LARGE1: variants seen among roughly 807,000 people sequenced by gnomAD.
LARGE1 encodes LARGE xylosyl- and glucuronyltransferase 1.
In LARGE1, 43 loss-of-function variants were observed where a neutral mutation model predicts 87.6. The observed-to-expected ratio is 0.49, with a 90% CI of 0.38 to 0.63. The LOEUF is 0.63. Ranked by LOEUF, LARGE1 falls within the 30% of genes least tolerant of loss-of-function variation. The pLI, the probability that LARGE1 is intolerant of heterozygous loss-of-function variation, is 0.00. For missense variants in LARGE1, 802 were observed against 1,000.2 expected, an observed-to-expected ratio of 0.80 and a Z score of 2.67; for synonymous variants, 434 against 394.6, an observed-to-expected ratio of 1.10 and a Z score of -1.18.
rs568597552 is a variant in LARGE1, at chr22:33,242,585, A to G, written c.1730+61644T>C. On this transcript the variant is annotated intron_variant, in intron 11 of 11. Transcript: ENST00000608642. The stretch of plus-strand genomic sequence containing the variant: ...GCTTTTCTTTCCGTTTTTTTCATAT[A>G]TATGTTATCCAAGGAGGACAATTTT... 3.9e-5 allele frequency among the ~76,000 whole-genome samples: 6 copies of G among 152,230 alleles called. No homozygotes were observed. In the South Asian group the frequency reaches 1.0e-3, roughly 26 times the overall value.
chr22:33,871,841 T>C (rs1410480757), intron 1 of LARGE1, among the ~76,000 whole-genome samples: 1 of 151,896 alleles, frequency 6.6e-6, no homozygotes, highest in African/African-American at 2.4e-5. Context: ...AAGTAAATAG[T>C]TAATTGATGA....
intron 1 of LARGE1, among the ~76,000 whole-genome samples, chr22:33,848,770 G>A (rs1432456096): frequency 6.6e-6 from 1 of 152,240 alleles, no homozygotes; most frequent in African/African-American, 2.4e-5. Flanking sequence ...GGGCCTCTGA[G>A]GCAGAGAGAG....
At chr22:33,881,946 A>G (rs2064696637) in intron 1 of LARGE1, among the ~76,000 whole-genome samples, 3 of 152,236 alleles carry the variant, frequency 2.0e-5, no homozygotes, top group South Asian at 2.1e-4. Flanking sequence ...AAAGTCTCCA[A>G]TAGCACTTTA....
chr22:33,848,622 C>T (rs1223898055), intron 1 of LARGE1, among the ~76,000 whole-genome samples: 2 of 152,194 alleles, frequency 1.3e-5, no homozygotes, highest in African/African-American at 4.8e-5. Flanking sequence ...ACGCTCCTTG[C>T]ACACTGCCAG....
intron 1 of LARGE1, among the ~76,000 whole-genome samples, chr22:33,909,801 G>A (rs1448012486): frequency 6.6e-6 from 1 of 152,048 alleles, no homozygotes; most frequent in Non-Finnish European, 1.5e-5. Context: ...GCCTCCCAGA[G>A]TGCTGGGATT....
intron 1 of LARGE1, among the ~76,000 whole-genome samples, chr22:33,849,592 C>CTTTTTTTTTTTTTTTTTTTTTTTTTTT (rs71187287): frequency 4.5e-5 from 4 of 88,590 alleles, no homozygotes; most frequent in African/African-American, 9.5e-5. Context: ...CTTTTCTTCT[C>CTTTTTTTTTTTTTTTTTTTTTTTTTTT]TTTTTTTTTT....
At chr22:33,525,787 C>T (rs1352205259) in intron 6 of LARGE1, among the ~76,000 whole-genome samples, 1 of 152,200 alleles carries the variant, frequency 6.6e-6, no homozygotes, top group Non-Finnish European at 1.5e-5. Context: ...TCAGTGAAGA[C>T]ACAGCGGATT....
At chr22:33,337,624 C>A (rs1433392445) in intron 10 of LARGE1, 22 bp downstream of exon 10, 2 of 1,613,786 alleles carry the variant, frequency 1.2e-6, no homozygotes, top group African/African-American at 2.7e-5. Context: ...CCCTTCCCTG[C>A]CCAGCCTTGC....
At chr22:33,199,630 T>C (rs1924268925) in intron 11 of LARGE1, among the ~76,000 whole-genome samples, 1 of 152,200 alleles carries the variant, frequency 6.6e-6, no homozygotes, top group Admixed American at 6.5e-5. Flanking sequence ...TTCCTTAGCA[T>C]ATATATTTTT....
chr22:33,894,581 A>C (rs1308083582), intron 1 of LARGE1, among the ~76,000 whole-genome samples: 1 of 152,144 alleles, frequency 6.6e-6, no homozygotes, highest in Non-Finnish European at 1.5e-5. Context: ...CTTATTTTTC[A>C]AACAAAACTG....
At chr22:33,104,971 T>TTCTTTCTTTCTTTCTCTTTCTC in the LARGE1 span, among the ~76,000 whole-genome samples, 1 of 145,418 alleles carries the variant, frequency 6.9e-6, no homozygotes. Context: ...CTCTCTTTCT[T>TTCTTTCTTTCTTTCTCTTTCTC]TCTTTCTTTT....
In LARGE1 at chr22:33,683,111, C is replaced by T. The variant is rs903743276; in HGVS notation, c.107-32443G>A. Among the ~76,000 whole-genome samples the T allele has an allele frequency of 5.3e-5, 8 of 152,304 alleles. No individual in the cohort carries two copies. The South Asian group carries it at 1.7e-3, about 32-fold the overall frequency. On this transcript the variant is annotated intron_variant, in intron 2 of 14. Coordinates refer to ENST00000397394, the MANE Select transcript of LARGE1 (RefSeq NM_133642.5). ...GCAATCTGTCATGGTAATAAATTGACTTGACTGGGCTACAGGGTGCCCAGA... is the reference window on the plus strand; with the variant it reads ...GCAATCTGTCATGGTAATAAATTGATTTGACTGGGCTACAGGGTGCCCAGA...
At chr22:33,098,066 G>T in the LARGE1 span, among the ~76,000 whole-genome samples, 1 of 152,144 alleles carries the variant, frequency 6.6e-6, no homozygotes, top group Non-Finnish European at 1.5e-5. Flanking sequence ...CAACAATTTG[G>T]GAGGCCAAGG....
intron 2 of LARGE1, among the ~76,000 whole-genome samples, chr22:33,755,882 A>T (rs551944496): frequency 1.1e-4 from 16 of 152,330 alleles, no homozygotes; most frequent in Non-Finnish European, 2.1e-4. Flanking sequence ...TTAGAAAGAC[A>T]TCAAACAAGC....
Position 33,758,481 on chromosome 22 carries a change from G to A in LARGE1, c.106+2890C>T, listed in dbSNP as rs183107673. On this transcript the variant is annotated intron_variant, in intron 2 of 14. Transcript: ENST00000397394. Reference sequence around the variant, plus strand: ...TGTGTTAACATGCCCACATCACCCAGCCCCTACTAAATGCAGCTCGTGATT... The same window carrying A: ...TGTGTTAACATGCCCACATCACCCAACCCCTACTAAATGCAGCTCGTGATT... 2.4e-4 allele frequency among the ~76,000 whole-genome samples: 36 copies of A among 152,228 alleles called. 1 individual carries two copies. The East Asian group carries it at 6.4e-3, about 27-fold the overall frequency.
chr22:33,317,196 A>G (rs1936258415), intron 10 of LARGE1, among the ~76,000 whole-genome samples: 1 of 152,226 alleles, frequency 6.6e-6, no homozygotes, highest in African/African-American at 2.4e-5. Flanking sequence ...CCTGGGTGAC[A>G]GAGTGAGACT....
intron 5 of LARGE1, chr22:33,572,327 C>A: frequency 2.1e-6 from 1 of 470,394 alleles, no homozygotes; most frequent in Non-Finnish European, 3.3e-6. Flanking sequence ...AGAAGTGGGG[C>A]GGGGCTTGAG....
At chr22:33,684,740 A>G (rs1464470663) in intron 2 of LARGE1, among the ~76,000 whole-genome samples, 1 of 152,188 alleles carries the variant, frequency 6.6e-6, no homozygotes, top group Admixed American at 6.5e-5. Context: ...TCATCCCGGG[A>G]TGCCACCCAA....
the LARGE1 span, among the ~76,000 whole-genome samples, chr22:33,135,229 C>G: frequency 3.3e-5 from 5 of 152,110 alleles, no homozygotes. Context: ...CTGCCTGTAG[C>G]TGAGTAAGGC....
Sources: gnomAD v4.1 joint callset for allele counts (sites outside exome capture counted in the v4.1 genomes callset) on GRCh38, gnomAD v4.1.1 for gene constraint, MANE v1.5 for transcripts, NCBI Gene and HGNC (gene_info 2026-07-23, HGNC 2026-07-21) for gene names.